The following PSD3 variants were observed in gnomAD, a reference collection of about 807,000 sequenced individuals.
The protein encoded by PSD3 is PH and SEC7 domain-containing protein 3.
In PSD3, 49 loss-of-function variants were observed where a neutral mutation model predicts 105.5. The observed-to-expected ratio is 0.46, with a 90% CI of 0.37 to 0.59. PSD3 has a LOEUF of 0.59. Ranked by LOEUF, PSD3 falls within the 20% of genes least tolerant of loss-of-function variation. The pLI is 0.00. For synonymous variants in PSD3, 557 were observed against 457.8 expected, an observed-to-expected ratio of 1.22 and a Z score of -2.77; for missense variants, 1,561 against 1,263.8, an observed-to-expected ratio of 1.24 and a Z score of -3.57.
At chr8:18,655,789 G>A (rs1808843539) in intron 9 of PSD3, 104 bp from the exon 10 acceptor site, 1 of 1,099,072 alleles carries the variant, frequency 9.1e-7, no homozygotes, top group Non-Finnish European at 1.4e-6. Flanking sequence ...TAGGCACGAA[G>A]CCCCCCTTGT....
intron 4 of PSD3, chr8:18,865,271 TATATATATATATATA>T (rs1269139159): frequency 0.021 from 92 of 4,312 alleles, 2 homozygotes; most frequent in Non-Finnish European, 0.027. Context: ...TATATATATA[TATATATATATATATA>T]TTTTTTTTTT....
At chr8:18,727,619 C>G (rs902399172) in intron 9 of PSD3, among the ~76,000 whole-genome samples, 1 of 151,534 alleles carries the variant, frequency 6.6e-6, no homozygotes, top group Non-Finnish European at 1.5e-5. Flanking sequence ...TCATCTTTAC[C>G]TCTCTGCCAC....
chr8:18,616,641 T>TTTTTTTTTTTTA (rs1805699744), intron 11 of PSD3, among the ~76,000 whole-genome samples: 2 of 126,082 alleles, frequency 1.6e-5, no homozygotes, highest in Admixed American at 7.9e-5. Context: ...TTTTTTTTTT[T>TTTTTTTTTTTTA]GAGACGGAGT....
At chr8:18,904,464 T>C (rs778043386) in intron 2 of PSD3, among the ~76,000 whole-genome samples, 1 of 152,146 alleles carries the variant, frequency 6.6e-6, no homozygotes, top group Non-Finnish European at 1.5e-5. Context: ...ATACAAGACA[T>C]GGCGTCAAGG....
intron 8 of PSD3, among the ~76,000 whole-genome samples, chr8:18,776,246 C>G (rs953066297): frequency 5.0e-5 from 7 of 140,214 alleles, no homozygotes; most frequent in African/African-American, 1.7e-4. Context: ...GTTACCATGG[C>G]TCTCTCTCTC....
rs183597253 is a variant in PSD3, at chr8:18,887,331, T to C, written c.131-14598A>G. Among the ~76,000 whole-genome samples, 70 of 152,320 alleles carry C rather than the reference T, an allele frequency of 4.6e-4. 2 individuals carry two copies. Among genetic ancestry groups the C allele is most frequent in the East Asian group, 3.7e-3 (19 of 5,184 alleles). ...CCATTTAAAGTCATTTTAGTGACGA[T>C]TGTATCTTGTTCCTGTGATTAAATT... On this transcript the variant is annotated intron_variant, in intron 2 of 15. Coordinates refer to ENST00000327040, the MANE Select transcript of PSD3 (RefSeq NM_015310.4).
intron 4 of PSD3, among the ~76,000 whole-genome samples, chr8:18,848,731 C>T (rs1424117562): frequency 6.6e-6 from 1 of 152,132 alleles, no homozygotes; most frequent in African/African-American, 2.4e-5. Context: ...AAAACACTGG[C>T]TTGTTGCTCA....
At chr8:18,713,652 C>T (rs1001076405) in intron 9 of PSD3, among the ~76,000 whole-genome samples, 3 of 152,168 alleles carry the variant, frequency 2.0e-5, no homozygotes, top group Admixed American at 6.6e-5. Flanking sequence ...AATGAAAAAA[C>T]GTTCTATGCT....
In PSD3 at chr8:18,915,413, A is replaced by G. The variant is rs566354114; in HGVS notation, c.130+20621T>C. On this transcript the variant is annotated intron_variant, in intron 2 of 15. Transcript: ENST00000327040. ...ATTGTCAGGGTGAAAAGACACCAAC[A>G]GAAGTGAGTAAATACGTGGCAAATC... is the stretch of plus-strand genomic sequence containing the variant. Among the ~76,000 whole-genome samples the G allele has an allele frequency of 5.2e-4, 79 of 152,364 alleles. 2 individuals are homozygous for G. The South Asian group carries it at 0.016, about 30-fold the overall frequency.
At chr8:18,539,060 G>C (rs1244227061) in intron 15 of PSD3, among the ~76,000 whole-genome samples, 1 of 152,292 alleles carries the variant, frequency 6.6e-6, no homozygotes, top group South Asian at 2.1e-4. Flanking sequence ...ATGTAGCTTT[G>C]CATTTTACCA....
intron 9 of PSD3, among the ~76,000 whole-genome samples, chr8:18,707,971 G>A (rs1284416520): frequency 6.6e-6 from 1 of 152,190 alleles, no homozygotes; most frequent in Non-Finnish European, 1.5e-5. Flanking sequence ...ATTAGGCAAT[G>A]CCACCTACAT....
chr8:18,949,361 A>C (rs970720311), intron 1 of PSD3, among the ~76,000 whole-genome samples: 1 of 145,892 alleles, frequency 6.9e-6, no homozygotes, highest in African/African-American at 2.5e-5. Context: ...CACAGTATTA[A>C]TCATTTACCC....
chr8:19,015,698 AT>A (rs200152288), upstream of PSD3, among the ~76,000 whole-genome samples: 6 of 152,330 alleles, frequency 3.9e-5, no homozygotes, highest in East Asian at 1.2e-3. Context: ...GACATCTATA[AT>A]CTGAGCCTCT....
chr8:18,649,845 A>C lies in PSD3; in HGVS notation c.2216+5797T>G, dbSNP rs113593489. Among the ~76,000 whole-genome samples, 180 of 152,198 alleles carry C rather than the reference A, an allele frequency of 1.2e-3. 1 individual carries two copies. Among genetic ancestry groups the C allele is most frequent in the African/African-American group, 4.2e-3 (173 of 41,520 alleles). On this transcript the variant is annotated intron_variant, in intron 10 of 15. Transcript: ENST00000327040. ...TTTAAAAGTGTGGCACTTCCACCCCACCCTGCTCTGGCCATGTGAAGTGCT... is the reference window on the plus strand; with the variant it reads ...TTTAAAAGTGTGGCACTTCCACCCCCCCCTGCTCTGGCCATGTGAAGTGCT...
chr8:18,605,034 G>A (rs1804715552), intron 11 of PSD3, among the ~76,000 whole-genome samples: 1 of 152,232 alleles, frequency 6.6e-6, no homozygotes, highest in Non-Finnish European at 1.5e-5. Flanking sequence ...GAGGGCTAAT[G>A]CAGGGTTAAA....
At chr8:19,018,675 G>T (rs762308840), upstream of PSD3, among the ~76,000 whole-genome samples, 4 of 152,190 alleles carry the variant, frequency 2.6e-5, no homozygotes, top group African/African-American at 9.6e-5. Context: ...CTTGGAATTT[G>T]TTTGGGCATT....
intron 1 of PSD3, among the ~76,000 whole-genome samples, chr8:19,063,473 G>A (rs901398162): frequency 1.3e-5 from 2 of 152,120 alleles, no homozygotes; most frequent in African/African-American, 2.4e-5. Flanking sequence ...TTTCCTTAGC[G>A]CCTATCACGG....
intron 2 of PSD3, chr8:18,924,635 A>T (rs1173498517): frequency 1.3e-5 from 2 of 152,224 alleles, no homozygotes; most frequent in Admixed American, 1.3e-4. Flanking sequence ...TCCTGCAGCC[A>T]GATGCAAAGA....
intron 1 of PSD3, among the ~76,000 whole-genome samples, chr8:18,958,852 T>C (rs557027510): frequency 6.6e-6 from 1 of 152,064 alleles, no homozygotes; most frequent in East Asian, 1.9e-4. Flanking sequence ...ATAAACATCA[T>C]ACTTAATGGT....
Sources: gnomAD v4.1 joint callset for allele counts (sites outside exome capture counted in the v4.1 genomes callset) on GRCh38, gnomAD v4.1.1 for gene constraint, MANE v1.5 for transcripts, NCBI Gene and HGNC (gene_info 2026-07-23, HGNC 2026-07-21) for gene names.